The following SLC2A13 variants were observed in gnomAD, a reference collection of about 807,000 sequenced individuals.
SLC2A13 encodes the protein solute carrier family 2 member 13, also known as proton myo-inositol cotransporter.
A neutral mutation model predicts 64.4 loss-of-function variants in SLC2A13; 32 were observed. That is an observed-to-expected ratio of 0.50 (90% CI 0.37 to 0.67). SLC2A13 has a LOEUF of 0.67. SLC2A13 is among the 30% of genes least tolerant of loss of function. SLC2A13 has a pLI of 0.00. For missense variants in SLC2A13, 743 were observed against 829.2 expected (o/e 0.90, Z 1.28); for synonymous variants, 338 against 327.1 (o/e 1.03, Z -0.36).
At chr12:40,080,559 T>G (rs1356041556) in intron 1 of SLC2A13, among the ~76,000 whole-genome samples, 1 of 152,126 alleles carries the variant, frequency 6.6e-6, no homozygotes, top group Admixed American at 6.5e-5. Flanking sequence ...CCTGGCTATT[T>G]TTTTGTATTT....
At chr12:40,038,754 G>A (rs1253782257) in intron 2 of SLC2A13, among the ~76,000 whole-genome samples, 10 of 108,368 alleles carry the variant, frequency 9.2e-5, no homozygotes, top group South Asian at 6.3e-4. Flanking sequence ...AGAAAGAAAA[G>A]AAAAAGGGAA....
chr12:39,910,595 C>T (rs1472682378), intron 4 of SLC2A13, among the ~76,000 whole-genome samples: 1 of 152,066 alleles, frequency 6.6e-6, no homozygotes, highest in Non-Finnish European at 1.5e-5. Flanking sequence ...AGGAAATCAA[C>T]AGCCTTGGGA....
intron 3 of SLC2A13, among the ~76,000 whole-genome samples, chr12:39,960,421 T>C (rs1946388228): frequency 6.6e-6 from 1 of 152,184 alleles, no homozygotes; most frequent in African/African-American, 2.4e-5. Flanking sequence ...CGTTCTATTG[T>C]CTAAGCTGCA....
intron 6 of SLC2A13, chr12:39,835,552 G>A (rs1236182473): frequency 1.3e-5 from 2 of 152,092 alleles, no homozygotes; most frequent in South Asian, 4.1e-4. Context: ...TTGATACACA[G>A]TTTAAATTTC....
At chr12:40,058,622 T>C (rs967096422) in intron 1 of SLC2A13, among the ~76,000 whole-genome samples, 8 of 152,216 alleles carry the variant, frequency 5.3e-5, no homozygotes, top group Non-Finnish European at 1.0e-4. Context: ...AATTTCATAT[T>C]TTGTTCTTCA....
intron 2 of SLC2A13, among the ~76,000 whole-genome samples, chr12:40,042,130 A>G (rs1349000757): frequency 6.6e-6 from 1 of 152,216 alleles, no homozygotes; most frequent in Non-Finnish European, 1.5e-5. Flanking sequence ...TTCTCATTCA[A>G]TACCTATATT....
chr12:39,870,314 C>G (rs763718860), intron 5 of SLC2A13, among the ~76,000 whole-genome samples: 7 of 152,132 alleles, frequency 4.6e-5, no homozygotes, highest in Non-Finnish European at 8.8e-5. Context: ...ATCTGAAAAT[C>G]AAGGGTCAGC....
At position 39,951,241 on chromosome 12, in the gene SLC2A13, A is replaced by G. The variant is rs373777149; in HGVS notation, c.1034+16T>C. The stretch of plus-strand genomic sequence containing the variant: ...TTCACAATCTTTTCAGTAAAAAGCC[A>G]GAAAGAAATACATACATGATGGTGT... On this transcript the variant is annotated intron_variant, in intron 4 of 9. Coordinates refer to ENST00000280871, the MANE Select transcript of SLC2A13 (RefSeq NM_052885.4). 32 of 1,602,370 alleles carry G rather than the reference A, an allele frequency of 2.0e-5. No homozygotes were observed. In the African/African-American group the frequency reaches 4.3e-4, roughly 21 times the overall value.
chr12:40,037,829 G>A (rs968696655), intron 2 of SLC2A13, among the ~76,000 whole-genome samples: 3 of 152,138 alleles, frequency 2.0e-5, no homozygotes, highest in Non-Finnish European at 4.4e-5. Context: ...GTTGTTCACA[G>A]TTGTTCAAAT....
chr12:39,776,161 C>G (rs1306233087), intron 7 of SLC2A13, among the ~76,000 whole-genome samples: 2 of 152,230 alleles, frequency 1.3e-5, no homozygotes, highest in Non-Finnish European at 2.9e-5. Flanking sequence ...ATTAGCCCTT[C>G]TCCTGCTTCA....
At chr12:39,900,402 C>T (rs1293995195) in intron 4 of SLC2A13, among the ~76,000 whole-genome samples, 1 of 152,106 alleles carries the variant, frequency 6.6e-6, no homozygotes, top group African/African-American at 2.4e-5. Flanking sequence ...CAAATTGTCC[C>T]TGTTTGCAGA....
chr12:39,928,025 C>T (rs534658455), intron 4 of SLC2A13, among the ~76,000 whole-genome samples: 7 of 152,114 alleles, frequency 4.6e-5, no homozygotes, highest in South Asian at 2.1e-4. Context: ...TTGCAGGAAA[C>T]GAATTACATT....
chr12:39,770,908 C>A (rs1000678109), intron 7 of SLC2A13, among the ~76,000 whole-genome samples: 1 of 151,948 alleles, frequency 6.6e-6, no homozygotes, highest in East Asian at 1.9e-4. Flanking sequence ...GCTGGGACAC[C>A]CAGGTAAAGT....
chr12:39,881,540 C>A lies in SLC2A13; in HGVS notation c.1035-9579G>T, dbSNP rs142162516. Among the ~76,000 whole-genome samples the A allele has an allele frequency of 6.2e-4, 94 of 152,300 alleles. 1 individual carries two copies. The highest frequency in any genetic ancestry group is 1.4e-3 in the Admixed American group (21 of 15,292). Reference sequence around the variant, plus strand: ...GCTTATTTCAGCAACAAGAAGGAGTCTAAGATTTTCAGATCACCTATTTAT... The same window carrying A: ...GCTTATTTCAGCAACAAGAAGGAGTATAAGATTTTCAGATCACCTATTTAT... On this transcript the variant is annotated intron_variant, in intron 4 of 9. Coordinates refer to ENST00000280871, the MANE Select transcript of SLC2A13 (RefSeq NM_052885.4).
intron 6 of SLC2A13, among the ~76,000 whole-genome samples, chr12:39,839,234 C>CGAG (rs1024236620): frequency 3.0e-4 from 46 of 152,110 alleles, no homozygotes; most frequent in Middle Eastern, 3.4e-3. Flanking sequence ...CTTGGAGCCT[C>CGAG]GTGAAGGACA....
intron 1 of SLC2A13, among the ~76,000 whole-genome samples, chr12:40,104,849 T>G (rs1056514554): frequency 2.0e-5 from 3 of 152,092 alleles, no homozygotes; most frequent in African/African-American, 7.2e-5. Context: ...GGGCTAGCAG[T>G]GGAGAGGCAA....
intron 4 of SLC2A13, among the ~76,000 whole-genome samples, chr12:39,892,822 G>A (rs554001716): frequency 3.3e-5 from 5 of 152,012 alleles, no homozygotes; most frequent in Non-Finnish European, 7.4e-5. Context: ...AAGATGAAAA[G>A]TAAATAAGGA....
rs1385519375 is a variant in SLC2A13 at position 40,105,356 on chromosome 12, G to A, written c.453C>T (p.Ile151=). The A allele has an allele frequency of 1.9e-6, 3 of 1,587,792 alleles. No individual in the cohort carries two copies. The highest frequency in any genetic ancestry group is 3.5e-5 in the Admixed American group (2 of 57,146). The change falls in exon 1 of 10, where the codon ATC becomes ATT. Residue 151 remains isoleucine (I), a synonymous_variant. Transcript: ENST00000280871. The surrounding 1 kb of genome is among the most constrained non-coding windows in gnomAD (Gnocchi z 4.2). Reference sequence around the variant, plus strand: ...CGGTGAAGAGGGCACTGGCCAGGAGGATGGCAGCGCGGCGGCCGAAGACGC... The same window carrying A: ...CGGTGAAGAGGGCACTGGCCAGGAGAATGGCAGCGCGGCGGCCGAAGACGC... ...LNGVFGRRAA[I]LLASALFTAG...
In SLC2A13 at chr12:40,106,021, C is replaced by G; in HGVS notation, c.-213G>C. On this transcript the variant is annotated 5_prime_UTR_variant, in exon 1 of 10. Coordinates refer to ENST00000280871, the MANE Select transcript of SLC2A13 (RefSeq NM_052885.4). Reference sequence around the variant, plus strand: ...CGCTCCGACGCTGCGGAGTTGGAGCCCGGCGGGTCTCACTCCACACTCACG... The same window carrying G: ...CGCTCCGACGCTGCGGAGTTGGAGCGCGGCGGGTCTCACTCCACACTCACG... 1 of 491,800 alleles carries G rather than the reference C, an allele frequency of 2.0e-6. No individual in the cohort carries two copies. The highest frequency in any genetic ancestry group is 3.3e-6 in the Non-Finnish European group (1 of 306,192). 30.5% of individuals were successfully genotyped at this position (491,800 alleles called of 1,614,324 possible).
Sources: allele counts gnomAD v4.1 joint callset (sites outside exome capture counted in the v4.1 genomes callset), GRCh38; gene constraint gnomAD v4.1.1; non-coding constraint Gnocchi (gnomAD v3.1); transcripts MANE v1.5; gene names NCBI Gene and HGNC (gene_info 2026-07-23, HGNC 2026-07-21).